The following EPB41L4A variants were observed in gnomAD, a reference collection of about 807,000 sequenced individuals.
EPB41L4A encodes the protein band 4.1-like protein 4A.
In EPB41L4A, 100 loss-of-function variants were observed where a neutral mutation model predicts 108.6. That is an observed-to-expected ratio of 0.92 (90% CI 0.78 to 1.09). The LOEUF (loss-of-function observed/expected upper bound fraction) is 1.09. EPB41L4A is among the 50% of genes least tolerant of loss of function. EPB41L4A has a pLI of 0.00. For synonymous variants in EPB41L4A, 319 were observed against 289.0 expected, an observed-to-expected ratio of 1.10 and a Z score of -1.05; for missense variants, 1,030 against 842.7, an observed-to-expected ratio of 1.22 and a Z score of -2.75.
At chr5:112,361,523 T>TAA (rs796244863) in intron 1 of EPB41L4A, among the ~76,000 whole-genome samples, 1 of 81,166 alleles carries the variant, frequency 1.2e-5, no homozygotes, top group Non-Finnish European at 2.8e-5. Context: ...AATAAATACT[T>TAA]AAAAAAAAAA....
intron 1 of EPB41L4A, among the ~76,000 whole-genome samples, chr5:112,373,752 G>A (rs1315302627): frequency 6.6e-6 from 1 of 152,164 alleles, no homozygotes; most frequent in Non-Finnish European, 1.5e-5. Flanking sequence ...TCAAAGTCAG[G>A]TGCTTCAGGG....
chr5:112,223,297 A>G lies in EPB41L4A; in HGVS notation c.1087+11337T>C, dbSNP rs187564212. On this transcript the variant is annotated intron_variant, in intron 12 of 22. Transcript: ENST00000261486. Reference sequence around the variant, plus strand: ...TCTCTCCCTATAACCTACCAAAATAACCCTGAACTCTGAGAACCCCCAAAA... The same window carrying G: ...TCTCTCCCTATAACCTACCAAAATAGCCCTGAACTCTGAGAACCCCCAAAA... Among the ~76,000 whole-genome samples, 294 of 152,116 alleles carry G rather than the reference A, an allele frequency of 1.9e-3. 3 individuals are homozygous for G. The highest frequency in any genetic ancestry group is 0.013 in the Admixed American group (203 of 15,270).
chr5:112,319,638 T>C (rs536099347), intron 1 of EPB41L4A, among the ~76,000 whole-genome samples: 208 of 152,324 alleles, frequency 1.4e-3, no homozygotes, highest in African/African-American at 4.5e-3. Flanking sequence ...TTGAGGGACA[T>C]TGTGCAAAAT....
At position 112,164,683 on chromosome 5, in the gene EPB41L4A, G is replaced by C. The variant is rs1247561096; in HGVS notation, c.*307C>G. On this transcript the variant is annotated 3_prime_UTR_variant, in exon 23 of 23. Coordinates refer to ENST00000261486, the MANE Select transcript of EPB41L4A (RefSeq NM_022140.5). ...CCTGTCTCTACTAAAAATACAAAAA[G>C]AATTAGCCGGGTGTTGTGGTGCACG... 5.7e-6 allele frequency: 1 copy of C among 174,424 alleles called. No individual in the cohort carries two copies. Among genetic ancestry groups the C allele is most frequent in the East Asian group, 1.6e-4 (1 of 6,388 alleles). The allele number at this position is 174,424 out of a possible 1,614,324, so 10.8% of individuals were successfully genotyped here.
rs554109431 is a variant in EPB41L4A at position 112,164,899 on chromosome 5, G to A, written c.*91C>T. The A allele has an allele frequency of 7.2e-6, 9 of 1,254,066 alleles. No homozygotes were observed. Among genetic ancestry groups the A allele is most frequent in the Non-Finnish European group, 8.6e-6 (8 of 931,394 alleles). 77.7% of individuals were successfully genotyped at this position (1,254,066 alleles called of 1,614,324 possible). A position where few individuals can be genotyped will look rare whatever the true frequency, so the allele number is the denominator to read the frequency against. ...ATGCTGAAGAAATACTTGCAGGTCTGAGATTTGAATTAAGATACCTATTTC... is the reference window on the plus strand; with the variant it reads ...ATGCTGAAGAAATACTTGCAGGTCTAAGATTTGAATTAAGATACCTATTTC... On this transcript the variant is annotated 3_prime_UTR_variant, in exon 23 of 23. Coordinates refer to ENST00000261486, the MANE Select transcript of EPB41L4A (RefSeq NM_022140.5).
intron 22 of EPB41L4A, 79 bp from the exon 23 acceptor site, chr5:112,165,197 G>T: frequency 9.1e-7 from 1 of 1,100,916 alleles, no homozygotes; most frequent in Non-Finnish European, 1.3e-6. Flanking sequence ...CAGAAACCAA[G>T]CTGCTCTTAA....
chr5:112,215,707 G>C (rs555293199), intron 12 of EPB41L4A, among the ~76,000 whole-genome samples: 3 of 142,656 alleles, frequency 2.1e-5, no homozygotes, highest in South Asian at 2.2e-4. Flanking sequence ...AGCTTGCAGT[G>C]AGCAGAGATC....
chr5:112,146,875 T>G (rs1040126402), intron 12 of EPB41L4A, among the ~76,000 whole-genome samples: 1 of 152,220 alleles, frequency 6.6e-6, no homozygotes, highest in Non-Finnish European at 1.5e-5. Context: ...GCATAAGATG[T>G]AACCTTAACA....
intron 16 of EPB41L4A, among the ~76,000 whole-genome samples, chr5:112,195,180 T>C (rs1002805989): frequency 1.3e-5 from 2 of 152,032 alleles, no homozygotes; most frequent in African/African-American, 2.4e-5. Flanking sequence ...AAAAGAAGTG[T>C]CTACAGAAGT....
At chr5:112,402,495 A>T (rs985822470) in intron 1 of EPB41L4A, among the ~76,000 whole-genome samples, 1 of 152,350 alleles carries the variant, frequency 6.6e-6, no homozygotes. Flanking sequence ...TGCAGCAAGT[A>T]AAAAAGCACG....
chr5:112,411,094 C>A (rs1762384369), intron 1 of EPB41L4A, among the ~76,000 whole-genome samples: 1 of 152,128 alleles, frequency 6.6e-6, no homozygotes, highest in Non-Finnish European at 1.5e-5. Context: ...AGCATCTTTA[C>A]TGATAGAGTG....
At chr5:112,208,296 A>G (rs908463442) in intron 13 of EPB41L4A, among the ~76,000 whole-genome samples, 3 of 151,598 alleles carry the variant, frequency 2.0e-5, no homozygotes, top group Admixed American at 1.3e-4. Context: ...TTGCAGCACT[A>G]TTCACAATAG....
downstream of EPB41L4A, chr5:112,158,559 C>T (rs937643619): frequency 5.5e-6 from 1 of 181,972 alleles, no homozygotes; most frequent in Non-Finnish European, 1.2e-5. Flanking sequence ...TGCTGCCAAT[C>T]AAGACATACC....
At position 112,168,778 on chromosome 5, in the gene EPB41L4A, A is replaced by G; in HGVS notation, c.1893T>C (p.Ser631=). 6.2e-7 allele frequency: 1 copy of G among 1,614,182 alleles called. No individual in the cohort carries two copies. The highest frequency in any genetic ancestry group is 2.2e-5 in the East Asian group (1 of 44,886). ...DLVPPLPVTR[S]SDAQGSGDAT... is the part of the protein sequence containing the mutation. ...CATCCCCAGAACCCTGAGCATCCGA[A>G]GAACGGGTCACCGGAAGTGGTGGTA... Residue 631 remains serine, a synonymous_variant, in exon 22 of 23, where the codon TCT becomes TCC. Coordinates refer to ENST00000261486, the MANE Select transcript of EPB41L4A (RefSeq NM_022140.5).
chr5:112,304,990 C>T (rs1453770594), intron 2 of EPB41L4A, among the ~76,000 whole-genome samples: 1 of 152,118 alleles, frequency 6.6e-6, no homozygotes, highest in African/African-American at 2.4e-5. Context: ...TAGAAGATGG[C>T]TCAAGTTCCT....
chr5:112,360,958 C>G (rs534382015), intron 1 of EPB41L4A, among the ~76,000 whole-genome samples: 1 of 152,110 alleles, frequency 6.6e-6, no homozygotes, highest in Non-Finnish European at 1.5e-5. Context: ...CGTCTCTGAC[C>G]GGCCGCCCCG....
chr5:112,411,755 A>C (rs1762426972), intron 1 of EPB41L4A, among the ~76,000 whole-genome samples: 1 of 152,196 alleles, frequency 6.6e-6, no homozygotes. Flanking sequence ...TCCCATTAGG[A>C]GGCTGGCCCA....
At chr5:112,217,700 A>C (rs1282595147) in intron 12 of EPB41L4A, among the ~76,000 whole-genome samples, 2 of 152,148 alleles carry the variant, frequency 1.3e-5, no homozygotes, top group African/African-American at 4.8e-5. Context: ...CCATTTCTTA[A>C]AACACAAAAA....
intron 1 of EPB41L4A, among the ~76,000 whole-genome samples, chr5:112,340,726 G>A (rs1365892830): frequency 2.0e-5 from 3 of 151,962 alleles, no homozygotes; most frequent in Non-Finnish European, 4.4e-5. Context: ...TTTTCTTTCG[G>A]TGATATGAAT....
Sources: gnomAD v4.1 joint callset for allele counts (sites outside exome capture counted in the v4.1 genomes callset) on GRCh38, gnomAD v4.1.1 for gene constraint, MANE v1.5 for transcripts, NCBI Gene and HGNC (gene_info 2026-07-23, HGNC 2026-07-21) for gene names.